RC3H2: variants seen among roughly 807,000 people sequenced by gnomAD.
The protein encoded by RC3H2 is ring finger and CCCH-type domains 2.
In RC3H2, 31 loss-of-function variants were observed where a neutral mutation model predicts 133.3. The observed-to-expected ratio is 0.23, with a 90% CI of 0.17 to 0.31. RC3H2 has a LOEUF of 0.31. RC3H2 is among the 10% of genes least tolerant of loss of function. RC3H2 has a pLI of 1.00. For synonymous variants in RC3H2, 517 were observed against 502.2 expected, an observed-to-expected ratio of 1.03 and a Z score of -0.40; for missense variants, 1,175 against 1,437.2, an observed-to-expected ratio of 0.82 and a Z score of 2.95.
chr9:122,852,374 C>T (rs1415401497), intron 18 of RC3H2, among the ~76,000 whole-genome samples: 2 of 148,754 alleles, frequency 1.3e-5, no homozygotes, highest in African/African-American at 2.5e-5. Flanking sequence ...GGAGCGTCTC[C>T]GCCCGGCAGC....
In RC3H2 at chr9:122,890,556, A is replaced by C; in HGVS notation, c.350-11T>G. 1 of 1,565,996 alleles carries C rather than the reference A, an allele frequency of 6.4e-7. No individual in the cohort carries two copies. Among genetic ancestry groups the C allele is most frequent in the East Asian group, 2.3e-5 (1 of 44,286 alleles). On this transcript the variant is annotated splice_polypyrimidine_tract_variant and intron_variant, in intron 3 of 20. Coordinates refer to ENST00000357244, the MANE Select transcript of RC3H2 (RefSeq NM_001100588.3). ...TCAAGCTAGCTACACCTTTAGGAAA[A>C]GGGAAACAAAGGGAGCTAAAGTTTT...
rs1204678114 is a variant in RC3H2, at chr9:122,897,387, G to A, written c.123C>T (p.Cys41=). The change falls in exon 2 of 21, where the codon TGC becomes TGT. Residue 41 remains cysteine (C), a synonymous_variant. Transcript: ENST00000357244. ...AAGCTTTTCGATGAAGTTTATTCAAGCAGGTCTTGCAAACAGTGTGTGAAC... is the reference window on the plus strand; with the variant it reads ...AAGCTTTTCGATGAAGTTTATTCAAACAGGTCTTGCAAACAGTGTGTGAAC... ...LGCSHTVCKT[C]LNKLHRKACP... The A allele has an allele frequency of 1.2e-6, 2 of 1,614,080 alleles. No homozygotes were observed. Among genetic ancestry groups the A allele is most frequent in the Non-Finnish European group, 1.7e-6 (2 of 1,180,026 alleles).
chr9:122,888,920 C>A (rs1169041969), intron 4 of RC3H2, among the ~76,000 whole-genome samples: 1 of 150,942 alleles, frequency 6.6e-6, no homozygotes, highest in African/African-American at 2.4e-5. Flanking sequence ...AAAGTCTGTA[C>A]CACTTTGCAT....
At chr9:122,850,281 G>T (rs1055238491) in intron 20 of RC3H2, among the ~76,000 whole-genome samples, 1 of 151,734 alleles carries the variant, frequency 6.6e-6, no homozygotes, top group Admixed American at 6.6e-5. Context: ...GGCTTGAAAA[G>T]TCCTGTTTTC....
intron 16 of RC3H2, 60 bp from the exon 17 acceptor site, chr9:122,854,326 T>A: frequency 7.1e-7 from 1 of 1,402,212 alleles, no homozygotes; most frequent in Non-Finnish European, 1.0e-6. Flanking sequence ...ACAAAAGCAG[T>A]AATAACCATA....
At chr9:122,857,003 T>G (rs1299459176) in intron 13 of RC3H2, among the ~76,000 whole-genome samples, 1 of 152,226 alleles carries the variant, frequency 6.6e-6, no homozygotes, top group Non-Finnish European at 1.5e-5. Context: ...TATTTGGATC[T>G]AGTTTAAAAA....
At chr9:122,899,484 T>C (rs1352528302) in intron 1 of RC3H2, among the ~76,000 whole-genome samples, 1 of 152,220 alleles carries the variant, frequency 6.6e-6, no homozygotes, top group Non-Finnish European at 1.5e-5. Flanking sequence ...CTATACAAAC[T>C]TTCTCAAACA....
chr9:122,871,686 A>C (rs912464692), intron 9 of RC3H2, among the ~76,000 whole-genome samples: 100 of 151,816 alleles, frequency 6.6e-4, no homozygotes, highest in African/African-American at 2.3e-3. Context: ...CCCTTTCTCA[A>C]TCACTCTTTT....
rs1215923443 is a variant in RC3H2, at chr9:122,845,647, C to T, written c.*3980G>A. On this transcript the variant is annotated 3_prime_UTR_variant, in exon 21 of 21. Coordinates refer to ENST00000357244, the MANE Select transcript of RC3H2 (RefSeq NM_001100588.3). ...GGGGTGTTTTGATCTGTGGTCTTGA[C>T]GCCTTGTATTCCCTTGCCAGCAAAG... 6.6e-6 allele frequency: 1 copy of T among 152,174 alleles called. No individual in the cohort carries two copies. The highest frequency in any genetic ancestry group is 1.9e-4 in the East Asian group (1 of 5,192). The allele number at this position is 152,174 out of a possible 1,614,324, so 9.4% of individuals were successfully genotyped here.
chr9:122,881,143 A>C (rs1315946463), intron 5 of RC3H2, among the ~76,000 whole-genome samples: 1 of 152,206 alleles, frequency 6.6e-6, no homozygotes, highest in African/African-American at 2.4e-5. Flanking sequence ...TCCCAGCTGA[A>C]AGCTACATGA....
chr9:122,854,856 CACTTTGCGA>C (rs1476373547), intron 15 of RC3H2, among the ~76,000 whole-genome samples: 4 of 152,128 alleles, frequency 2.6e-5, no homozygotes, highest in African/African-American at 9.7e-5. Context: ...GTAATCCCAG[CACTTTGCGA>C]GGCTGAGGCG....
At chr9:122,867,497 G>A (rs1447910113) in intron 9 of RC3H2, among the ~76,000 whole-genome samples, 1 of 144,758 alleles carries the variant, frequency 6.9e-6, no homozygotes, top group African/African-American at 2.5e-5. Context: ...CCCTGTCGGG[G>A]ATGTGAGGGG....
intron 18 of RC3H2, among the ~76,000 whole-genome samples, chr9:122,852,221 C>G (rs1183303121): frequency 6.6e-6 from 1 of 151,154 alleles, no homozygotes; most frequent in Non-Finnish European, 1.5e-5. Context: ...CGTCTCTGCC[C>G]GGCCGCCCCG....
chr9:122,874,282 T>G (rs962084551), intron 9 of RC3H2: 2 of 152,084 alleles, frequency 1.3e-5, no homozygotes, highest in African/African-American at 2.4e-5. Flanking sequence ...AGGATGAGAT[T>G]CTGTGATGTA....
intron 3 of RC3H2, among the ~76,000 whole-genome samples, chr9:122,892,657 C>T (rs1832233961): frequency 6.6e-6 from 1 of 152,146 alleles, no homozygotes; most frequent in Admixed American, 6.5e-5. Flanking sequence ...GTGATCCGCC[C>T]GCGCTGGCCT....
chr9:122,888,177 A>T (rs746153702), intron 4 of RC3H2, among the ~76,000 whole-genome samples: 1 of 152,200 alleles, frequency 6.6e-6, no homozygotes, highest in Non-Finnish European at 1.5e-5. Context: ...GAACAATATG[A>T]CAAACAAATA....
chr9:122,905,024 G>A (rs1293788183), intron 1 of RC3H2, 86 bp downstream of exon 1: 2 of 923,246 alleles, frequency 2.2e-6, no homozygotes, highest in East Asian at 1.2e-4. Flanking sequence ...ACAGGCCCCA[G>A]GGCTGAGACT....
At chr9:122,886,794 T>C (rs981899645) in intron 4 of RC3H2, among the ~76,000 whole-genome samples, 4 of 152,218 alleles carry the variant, frequency 2.6e-5, no homozygotes, top group Non-Finnish European at 4.4e-5. Context: ...GGTTTTTTCA[T>C]GTGCTTGTTA....
At chr9:122,852,225 C>T (rs1157082572) in intron 18 of RC3H2, among the ~76,000 whole-genome samples, 411 of 124,508 alleles carry the variant, frequency 3.3e-3, no homozygotes, top group Middle Eastern at 8.8e-3. Context: ...TCTGCCCGGC[C>T]GCCCCGTCTG....
Sources: allele counts gnomAD v4.1 joint callset (sites outside exome capture counted in the v4.1 genomes callset), GRCh38; gene constraint gnomAD v4.1.1; transcripts MANE v1.5; gene names NCBI Gene and HGNC (gene_info 2026-07-23, HGNC 2026-07-21).